Variants in AGAP1 observed in about 807,000 individuals in gnomAD.
The protein encoded by AGAP1 is ArfGAP with GTPase domain, ankyrin repeat and PH domain 1.
AGAP1 carries 29 observed loss-of-function variants against 105.3 expected under a neutral mutation model. The ratio of observed to expected loss-of-function variants is 0.28; its 90% confidence interval spans 0.21 to 0.38. The LOEUF is 0.38. Ranked by LOEUF, AGAP1 falls within the 10% of genes least tolerant of loss-of-function variation. The probability of loss-of-function intolerance (pLI) is 1.00; values close to 1 mark genes in which losing one functional copy is unlikely to be tolerated. For synonymous variants in AGAP1, 509 were observed against 485.9 expected (o/e 1.05, Z -0.63); for missense variants, 998 against 1,165.1 (o/e 0.86, Z 2.09).
In AGAP1 at chr2:235,549,700, T is replaced by C. The variant is rs1943740891; in HGVS notation, c.163+54851T>C. ...AGCACCTGGCAAATGTATTGATACT[T>C]TACGAGCATTCACATGCATTTAAGA... On this transcript the variant is annotated intron_variant, in intron 1 of 17. Transcript: ENST00000304032. The surrounding 1 kb of genome is among the most constrained non-coding windows in gnomAD (Gnocchi z 4.2). 6.6e-6 allele frequency among the ~76,000 whole-genome samples: 1 copy of C among 152,232 alleles called. No individual in the cohort carries two copies.
chr2:236,122,934 C>T (rs2059935428), intron 17 of AGAP1, among the ~76,000 whole-genome samples: 1 of 152,176 alleles, frequency 6.6e-6, no homozygotes, highest in Admixed American at 6.5e-5. Flanking sequence ...CCGCCCTCCT[C>T]GGCCTCCCAA....
chr2:235,800,195 C>A (rs575242007), intron 8 of AGAP1, among the ~76,000 whole-genome samples: 1 of 151,610 alleles, frequency 6.6e-6, no homozygotes. Context: ...CAGCCTCAAC[C>A]TCCTGAAATC....
intron 6 of AGAP1, among the ~76,000 whole-genome samples, chr2:235,794,520 G>A (rs1957151488): frequency 1.3e-5 from 2 of 152,124 alleles, no homozygotes; most frequent in South Asian, 4.2e-4. Context: ...TACCCAGGCT[G>A]GAGTGCAGTG....
chr2:235,765,385 C>G (rs1954858930), intron 6 of AGAP1, among the ~76,000 whole-genome samples: 1 of 152,064 alleles, frequency 6.6e-6, no homozygotes, highest in South Asian at 2.1e-4. Flanking sequence ...GGGTGGTAGT[C>G]TCACGCTGCC....
intron 12 of AGAP1, among the ~76,000 whole-genome samples, chr2:235,954,302 A>G (rs993253663): frequency 6.6e-6 from 1 of 151,772 alleles, no homozygotes; most frequent in African/African-American, 2.4e-5. Context: ...AGAAGCAATC[A>G]TAGCACACTA....
chr2:235,768,851 C>T (rs909400335), intron 6 of AGAP1, among the ~76,000 whole-genome samples: 1 of 152,188 alleles, frequency 6.6e-6, no homozygotes, highest in Non-Finnish European at 1.5e-5. Context: ...GTTTGGCCAG[C>T]GCTGCAGCTT....
chr2:235,856,986 A>G (rs2048712734), intron 9 of AGAP1, among the ~76,000 whole-genome samples: 1 of 152,194 alleles, frequency 6.6e-6, no homozygotes, highest in African/African-American at 2.4e-5. Context: ...ACACACACTC[A>G]GCCACACTGT....
intron 6 of AGAP1, among the ~76,000 whole-genome samples, chr2:235,770,736 T>C (rs980511134): frequency 6.6e-6 from 1 of 152,164 alleles, no homozygotes; most frequent in Admixed American, 6.5e-5. Flanking sequence ...TCATGGATTA[T>C]CACAGTCAGT....
intron 9 of AGAP1, among the ~76,000 whole-genome samples, chr2:235,844,249 A>T (rs1463062393): frequency 6.6e-6 from 1 of 152,110 alleles, no homozygotes; most frequent in African/African-American, 2.4e-5. Flanking sequence ...TAAAATGTTT[A>T]ACTTGAATGC....
intron 1 of AGAP1, among the ~76,000 whole-genome samples, chr2:235,526,056 T>A (rs1193413072): frequency 1.9e-5 from 1 of 53,112 alleles, no homozygotes; most frequent in Non-Finnish European, 3.6e-5. Flanking sequence ...GGAGGACTGA[T>A]ACATAATGTG....
intron 7 of AGAP1, among the ~76,000 whole-genome samples, chr2:235,798,735 T>C (rs1957355237): frequency 6.6e-6 from 1 of 151,776 alleles, no homozygotes; most frequent in Non-Finnish European, 1.5e-5. Context: ...AAGAGAAAAA[T>C]TAGCTGGGCG....
At position 235,906,072 on chromosome 2, in the gene AGAP1, G is replaced by A. The variant is rs1298668211; in HGVS notation, c.1156-2666G>A. On this transcript the variant is annotated intron_variant, in intron 10 of 17. Coordinates refer to ENST00000304032, the MANE Select transcript of AGAP1 (RefSeq NM_001037131.3). This position sits in a 1 kb window ranked among gnomAD's most constrained non-coding sequence, Gnocchi z 5.3. ...CCCGTTACCCGAACCCACCATGACA[G>A]CTTTCCTCCAAGGGGGCTGTGGCTG... 6.6e-6 allele frequency among the ~76,000 whole-genome samples: 1 copy of A among 152,158 alleles called. No homozygotes were observed. Among genetic ancestry groups the A allele is most frequent in the African/African-American group, 2.4e-5 (1 of 41,448 alleles).
intron 1 of AGAP1, among the ~76,000 whole-genome samples, chr2:235,657,378 G>T (rs1388251257): frequency 1.3e-5 from 2 of 152,114 alleles, no homozygotes; most frequent in Non-Finnish European, 2.9e-5. Context: ...TGATGTTGTT[G>T]TTGTTGTTAT....
rs2054013580 is a variant in AGAP1, at chr2:235,957,849, G to A, written c.1484-10613G>A. On this transcript the variant is annotated intron_variant, in intron 12 of 17. Coordinates refer to ENST00000304032, the MANE Select transcript of AGAP1 (RefSeq NM_001037131.3). The surrounding 1 kb of genome is among the most constrained non-coding windows in gnomAD (Gnocchi z 4.6). ...CATCTTGAGTTCACAGGGGGCTTCA[G>A]CCCTCAACTGATTTCCTCTCCTGGC... 6.6e-6 allele frequency among the ~76,000 whole-genome samples: 1 copy of A among 152,172 alleles called. No homozygotes were observed. The highest frequency in any genetic ancestry group is 1.5e-5 in the Non-Finnish European group (1 of 68,024).
At chr2:236,023,962 A>G (rs542417227) in intron 13 of AGAP1, among the ~76,000 whole-genome samples, 38 of 149,892 alleles carry the variant, frequency 2.5e-4, no homozygotes, top group African/African-American at 6.6e-4. Context: ...GCCCTTTTCT[A>G]TTCAGAAGAG....
At chr2:236,030,417 G>A (rs1227076191) in intron 13 of AGAP1, among the ~76,000 whole-genome samples, 1 of 152,234 alleles carries the variant, frequency 6.6e-6, no homozygotes, top group Non-Finnish European at 1.5e-5. Context: ...TCCATGGGAA[G>A]CTTTCCTGTA....
In AGAP1 at chr2:235,664,478, A is replaced by G. The variant is rs1041188719; in HGVS notation, c.164-44701A>G. ...GGTGATCCACCTGCCTTGGCCTCCC[A>G]AAGTGCTGGGATTACAAGCATGAGC... On this transcript the variant is annotated intron_variant, in intron 1 of 17. Transcript: ENST00000304032. The surrounding 1 kb of genome is among the most constrained non-coding windows in gnomAD (Gnocchi z 5.7). 6.6e-6 allele frequency among the ~76,000 whole-genome samples: 1 copy of G among 152,166 alleles called. No homozygotes were observed. Among genetic ancestry groups the G allele is most frequent in the African/African-American group, 2.4e-5 (1 of 41,450 alleles).
rs2056190299 is a variant in AGAP1 at position 236,003,065 on chromosome 2, C to A, written c.1646-33496C>A. On this transcript the variant is annotated intron_variant, in intron 13 of 17. Transcript: ENST00000304032. This position sits in a 1 kb window ranked among gnomAD's most constrained non-coding sequence, Gnocchi z 4.2. ...CACGTATTCGCCCACTGTGTGCCAA[C>A]AGAGTCTTGATCTATTGCCCAGGCT... is the stretch of plus-strand genomic sequence containing the variant. Among the ~76,000 whole-genome samples the A allele has an allele frequency of 6.6e-6, 1 of 152,162 alleles. No homozygotes were observed. The highest frequency in any genetic ancestry group is 6.5e-5 in the Admixed American group (1 of 15,278).
intron 9 of AGAP1, among the ~76,000 whole-genome samples, chr2:235,841,391 G>C (rs191826974): frequency 2.6e-5 from 4 of 152,292 alleles, no homozygotes; most frequent in Non-Finnish European, 5.9e-5. Context: ...CACTGTAGGA[G>C]GCCAAGGCGA....
Sources: allele counts gnomAD v4.1 joint callset (sites outside exome capture counted in the v4.1 genomes callset), GRCh38; gene constraint gnomAD v4.1.1; non-coding constraint Gnocchi (gnomAD v3.1); transcripts MANE v1.5; gene names NCBI Gene and HGNC (gene_info 2026-07-23, HGNC 2026-07-21).